The following PCNX2 variants were observed in gnomAD, a reference collection of about 807,000 sequenced individuals.
PCNX2 encodes pecanex 2, also known as pecanex-like protein 2.
PCNX2 carries 168 observed loss-of-function variants against 223.8 expected under a neutral mutation model. That is an observed-to-expected ratio of 0.75 (90% CI 0.66 to 0.85). The LOEUF is 0.85. Ranked by LOEUF, PCNX2 falls within the 40% of genes least tolerant of loss-of-function variation. The pLI, the probability that PCNX2 is intolerant of heterozygous loss-of-function variation, is 0.00. For synonymous variants in PCNX2, 1,006 were observed against 1,052.6 expected (o/e 0.96, Z 0.86); for missense variants, 2,507 against 2,675.5 (o/e 0.94, Z 1.39).
intron 25 of PCNX2, chr1:233,025,617 A>AATAT: frequency 1.6e-6 from 1 of 610,738 alleles, no homozygotes; most frequent in South Asian, 2.3e-5. Context: ...CTCTGTAGAA[A>AATAT]ATATATTTAA....
intron 27 of PCNX2, 112 bp from the exon 28 acceptor site, chr1:233,014,889 G>A (rs1028419365): frequency 1.1e-5 from 8 of 755,538 alleles, no homozygotes; most frequent in Admixed American, 4.3e-5. Context: ...TGGTCATCCA[G>A]TCCCCTCTAA....
intron 23 of PCNX2, among the ~76,000 whole-genome samples, chr1:233,065,282 A>C (rs1275127146): frequency 6.6e-6 from 1 of 152,156 alleles, no homozygotes; most frequent in Non-Finnish European, 1.5e-5. Context: ...CAATTCTCTT[A>C]CCTCCTAATG....
rs1300326990 is a variant in PCNX2 at position 232,986,410 on chromosome 1, G to A, written c.5922C>T (p.His1974=). 16 of 1,605,272 alleles carry A rather than the reference G, an allele frequency of 1.0e-5. No individual in the cohort carries two copies. Among genetic ancestry groups the A allele is most frequent in the East Asian group, 4.5e-5 (2 of 44,598 alleles). The change falls in exon 33 of 34, where the codon CAC becomes CAT. Residue 1974 remains histidine (H), a synonymous_variant. Coordinates refer to ENST00000258229, the MANE Select transcript of PCNX2 (RefSeq NM_014801.4). ...QTFLQTSTSV[H]ELAQRLSGSR... ...TGCCCGAGAGCCTCTGGGCCAGCTC[G>A]TGCACTGAGGTGGACGTCTGGAGGA... is the stretch of plus-strand genomic sequence containing the variant.
intron 22 of PCNX2, among the ~76,000 whole-genome samples, chr1:233,091,044 T>C (rs1049902087): frequency 2.0e-5 from 3 of 152,098 alleles, no homozygotes; most frequent in African/African-American, 4.8e-5. Flanking sequence ...CTCACCATCA[T>C]TGTGGTGCAG....
intron 8 of PCNX2, among the ~76,000 whole-genome samples, chr1:233,248,418 A>G (rs186077408): frequency 6.6e-6 from 1 of 152,264 alleles, no homozygotes; most frequent in African/African-American, 2.4e-5. Flanking sequence ...CATGGGATCT[A>G]TGAGAAAGAA....
intron 8 of PCNX2, among the ~76,000 whole-genome samples, chr1:233,250,367 T>C (rs1394665482): frequency 6.6e-6 from 1 of 152,230 alleles, no homozygotes; most frequent in Non-Finnish European, 1.5e-5. Context: ...CCTTTATTAC[T>C]GTAAATGAGA....
At chr1:233,257,700 T>C (rs1196077791) in intron 5 of PCNX2, among the ~76,000 whole-genome samples, 1 of 152,214 alleles carries the variant, frequency 6.6e-6, no homozygotes, top group Non-Finnish European at 1.5e-5. Context: ...TTCCATAAAG[T>C]AAGAAATATC....
At chr1:233,043,375 C>T (rs1208694867) in intron 25 of PCNX2, among the ~76,000 whole-genome samples, 1 of 152,154 alleles carries the variant, frequency 6.6e-6, no homozygotes, top group Admixed American at 6.5e-5. Context: ...GGCCTTCTAA[C>T]ATGCATTATC....
chr1:233,152,021 G>A (rs565400472), intron 19 of PCNX2, among the ~76,000 whole-genome samples: 1 of 152,274 alleles, frequency 6.6e-6, no homozygotes, highest in South Asian at 2.1e-4. Flanking sequence ...TGGCTTCACT[G>A]CCAAACCCCT....
chr1:233,211,877 T>C (rs937437264), intron 12 of PCNX2: 10 of 930,314 alleles, frequency 1.1e-5, no homozygotes, highest in African/African-American at 1.8e-5. Context: ...GTCAGTTTTT[T>C]CAAAGGACTC....
At chr1:233,288,034 A>G (rs1460287318) in intron 1 of PCNX2, among the ~76,000 whole-genome samples, 1 of 152,260 alleles carries the variant, frequency 6.6e-6, no homozygotes, top group African/African-American at 2.4e-5. Context: ...CACTAGACAA[A>G]AAATGTGGAA....
intron 25 of PCNX2, chr1:233,032,974 G>T (rs553295927): frequency 2.0e-6 from 2 of 984,348 alleles, no homozygotes; most frequent in East Asian, 2.3e-4. Context: ...CACTAATTGC[G>T]TTGTCCAAAT....
chr1:233,009,349 T>G, intron 28 of PCNX2, among the ~76,000 whole-genome samples: 1 of 152,178 alleles, frequency 6.6e-6, no homozygotes, highest in East Asian at 1.9e-4. Context: ...CTAAGCACAT[T>G]TGAATTGCAG....
intron 21 of PCNX2, chr1:233,112,729 C>A: frequency 1.6e-5 from 10 of 643,592 alleles, no homozygotes; most frequent in South Asian, 6.3e-5. Flanking sequence ...TAACTAAATT[C>A]ACATATTTAT....
At chr1:233,137,060 T>C (rs549832426) in intron 20 of PCNX2, among the ~76,000 whole-genome samples, 2 of 152,306 alleles carry the variant, frequency 1.3e-5, no homozygotes, top group African/African-American at 4.8e-5. Flanking sequence ...TAATGACCCA[T>C]AGATCATTGT....
chr1:233,095,551 A>G (rs929816482), intron 22 of PCNX2: 2 of 584,922 alleles, frequency 3.4e-6, no homozygotes, highest in East Asian at 5.7e-5. Flanking sequence ...CTGAATATGC[A>G]TTAAGAAGCA....
At chr1:233,157,065 A>G (rs1678178735) in intron 19 of PCNX2, among the ~76,000 whole-genome samples, 1 of 152,208 alleles carries the variant, frequency 6.6e-6, no homozygotes, top group African/African-American at 2.4e-5. Context: ...AATGCCTAGA[A>G]TCGATTGTGG....
At chr1:233,149,966 T>C (rs1044711362) in intron 19 of PCNX2, among the ~76,000 whole-genome samples, 11 of 152,048 alleles carry the variant, frequency 7.2e-5, no homozygotes, top group Non-Finnish European at 7.4e-5. Context: ...CAAGGAGCCC[T>C]TCCTTTCCCC....
At position 233,027,315 on chromosome 1, in the gene PCNX2, A is replaced by G. The variant is rs145668041; in HGVS notation, c.4352-1916T>C. Among the ~76,000 whole-genome samples the G allele has an allele frequency of 5.3e-5, 8 of 152,318 alleles. No individual in the cohort carries two copies. In the East Asian group the frequency reaches 1.5e-3, roughly 29 times the overall value. ...AGTCTCATGAGCGTGAATTCAAGAA[A>G]TAACGGGAGGGGAAAAAGCAGAGAC... On this transcript the variant is annotated intron_variant, in intron 25 of 33. Coordinates refer to ENST00000258229, the MANE Select transcript of PCNX2 (RefSeq NM_014801.4).
Sources: gnomAD v4.1 joint callset for allele counts (sites outside exome capture counted in the v4.1 genomes callset) on GRCh38, gnomAD v4.1.1 for gene constraint, MANE v1.5 for transcripts, NCBI Gene and HGNC (gene_info 2026-07-23, HGNC 2026-07-21) for gene names.